The following SPATS2 variants were observed in gnomAD, a reference collection of about 807,000 sequenced individuals.
The protein encoded by SPATS2 is spermatogenesis-associated serine-rich protein 2.
A neutral mutation model predicts 63.7 loss-of-function variants in SPATS2; 38 were observed. The ratio of observed to expected loss-of-function variants is 0.60; its 90% CI spans 0.46 to 0.78. The LOEUF is 0.78. Ranked by LOEUF, SPATS2 falls within the 30% of genes least tolerant of loss-of-function variation. The probability of loss-of-function intolerance (pLI) is 0.00; values close to 1 mark genes in which losing one functional copy is unlikely to be tolerated. For missense variants in SPATS2, 588 were observed against 666.2 expected, an observed-to-expected ratio of 0.88 and a Z score of 1.29; for synonymous variants, 207 against 232.9, an observed-to-expected ratio of 0.89 and a Z score of 1.01.
At chr12:49,399,900 G>A (rs1034657058) in intron 2 of SPATS2, among the ~76,000 whole-genome samples, 3 of 152,176 alleles carry the variant, frequency 2.0e-5, no homozygotes, top group Admixed American at 2.0e-4. Context: ...AGCCAGGCGT[G>A]GTGGCAGGTG....
rs760281633 is a variant in SPATS2, at chr12:49,418,108, G to GTTTTTT, written c.-243-42643_-243-42638dup. Reference sequence around the variant, plus strand: ...TGTAGCTTTCATTTTAAATGACTCAGTTTTTTTTTTTTTTTTTTTTTTTTG... The same window carrying GTTTTTT: ...TGTAGCTTTCATTTTAAATGACTCAGTTTTTTTTTTTTTTTTTTTTTTTTTTTTTTG... On this transcript the variant is annotated intron_variant, in intron 2 of 13. Coordinates refer to ENST00000552918, the MANE Select transcript of SPATS2 (RefSeq NM_023071.4). 3.5e-3 allele frequency among the ~76,000 whole-genome samples: 267 copies of GTTTTTT among 76,052 alleles called. 11 individuals are homozygous for GTTTTTT. Among genetic ancestry groups the GTTTTTT allele is most frequent in the African/African-American group, 9.4e-3 (144 of 15,298 alleles). 49.9% of individuals were successfully genotyped at this position (76,052 alleles called of 152,430 possible).
chr12:49,439,521 A>G (rs888298745), intron 2 of SPATS2, among the ~76,000 whole-genome samples: 2 of 152,220 alleles, frequency 1.3e-5, no homozygotes, highest in South Asian at 2.1e-4. Flanking sequence ...TTTGGAGAAT[A>G]GTTAGAACTT....
At chr12:49,441,794 T>A (rs1304623010) in intron 2 of SPATS2, 1 of 152,218 alleles carries the variant, frequency 6.6e-6, no homozygotes, top group Non-Finnish European at 1.5e-5. Context: ...TTCCAGTATC[T>A]TCAGATGTTG....
At chr12:49,474,332 G>A (rs981454247) in intron 3 of SPATS2, among the ~76,000 whole-genome samples, 6 of 152,290 alleles carry the variant, frequency 3.9e-5, no homozygotes, top group African/African-American at 1.4e-4. Context: ...GAATCTGACA[G>A]GTTTAATTCT....
At chr12:49,442,191 C>T (rs1383957530) in intron 2 of SPATS2, among the ~76,000 whole-genome samples, 1 of 152,088 alleles carries the variant, frequency 6.6e-6, no homozygotes, top group East Asian at 1.9e-4. Flanking sequence ...TTCTGTTGTA[C>T]CAAAAAATAA....
chr12:49,498,143 A>ATAT (rs1307387821), intron 8 of SPATS2, among the ~76,000 whole-genome samples: 5,634 of 94,378 alleles, frequency 0.06, 139 homozygotes, highest in Non-Finnish European at 0.078. Flanking sequence ...AAAAAAAAAA[A>ATAT]AAATATATAT....
At chr12:49,460,459 A>G (rs1945802492) in intron 2 of SPATS2, among the ~76,000 whole-genome samples, 1 of 152,202 alleles carries the variant, frequency 6.6e-6, no homozygotes, top group Admixed American at 6.5e-5. Flanking sequence ...TCATCTCAAA[A>G]AAAAAGAAAG....
At chr12:49,460,469 G>T (rs968508601) in intron 2 of SPATS2, among the ~76,000 whole-genome samples, 1 of 151,948 alleles carries the variant, frequency 6.6e-6, no homozygotes, top group Admixed American at 6.6e-5. Flanking sequence ...AAAAAAGAAA[G>T]ATCTTAGGGA....
chr12:49,499,996 T>G, intron 8 of SPATS2, 74 bp from the exon 9 acceptor site: 1 of 1,203,016 alleles, frequency 8.3e-7, no homozygotes, highest in Non-Finnish European at 1.1e-6. Context: ...GGCTTTGGTG[T>G]TCAGATCCGA....
At chr12:49,391,869 T>C (rs549840236) in intron 2 of SPATS2, among the ~76,000 whole-genome samples, 2 of 152,332 alleles carry the variant, frequency 1.3e-5, no homozygotes, top group Non-Finnish European at 2.9e-5. Flanking sequence ...TGGATGAGAC[T>C]GATTGAATAG....
intron 10 of SPATS2, among the ~76,000 whole-genome samples, chr12:49,517,942 C>T (rs1006983941): frequency 6.6e-6 from 1 of 152,122 alleles, no homozygotes; most frequent in Admixed American, 6.6e-5. Flanking sequence ...TTGCTACAGT[C>T]CTCCACTACC....
At chr12:49,487,710 G>A (rs559677766) in intron 4 of SPATS2, among the ~76,000 whole-genome samples, 12 of 151,942 alleles carry the variant, frequency 7.9e-5, no homozygotes, top group African/African-American at 2.9e-4. Flanking sequence ...CAGTCCTCCC[G>A]CCTCACCCTC....
At chr12:49,405,277 A>G (rs1944674825) in intron 2 of SPATS2, among the ~76,000 whole-genome samples, 1 of 152,168 alleles carries the variant, frequency 6.6e-6, no homozygotes, top group Non-Finnish European at 1.5e-5. Flanking sequence ...CATGCCTAAA[A>G]TTACACACTT....
At chr12:49,396,207 A>G (rs1333951982) in intron 2 of SPATS2, among the ~76,000 whole-genome samples, 1 of 152,224 alleles carries the variant, frequency 6.6e-6, no homozygotes, top group Non-Finnish European at 1.5e-5. Flanking sequence ...GAACGTAGGA[A>G]TGAAAATACC....
intron 3 of SPATS2, chr12:49,462,771 A>C: frequency 2.6e-6 from 1 of 379,346 alleles, no homozygotes. Context: ...CTCCAAAGTT[A>C]CACCATCAAG....
intron 2 of SPATS2, among the ~76,000 whole-genome samples, chr12:49,397,606 T>A (rs1221371116): frequency 6.6e-6 from 1 of 151,872 alleles, no homozygotes; most frequent in African/African-American, 2.4e-5. Flanking sequence ...GATGGGAGGA[T>A]CGCTTAAGGC....
At chr12:49,434,730 A>C (rs544489357) in intron 2 of SPATS2, among the ~76,000 whole-genome samples, 14 of 152,312 alleles carry the variant, frequency 9.2e-5, no homozygotes, top group African/African-American at 3.4e-4. Context: ...GAGCAAGGCT[A>C]ACTTGAATAT....
At chr12:49,420,878 A>G (rs1337382446) in intron 2 of SPATS2, among the ~76,000 whole-genome samples, 1 of 152,138 alleles carries the variant, frequency 6.6e-6, no homozygotes, top group Non-Finnish European at 1.5e-5. Context: ...AGCCAGGTGC[A>G]TTCTTGTAGT....
intron 10 of SPATS2, among the ~76,000 whole-genome samples, chr12:49,516,166 A>AAT (rs869230532): frequency 1.0e-3 from 32 of 30,822 alleles, no homozygotes; most frequent in African/African-American, 5.5e-3. Flanking sequence ...AAAAAAAAAA[A>AAT]ATATATATAT....
Sources: gnomAD v4.1 joint callset for allele counts (sites outside exome capture counted in the v4.1 genomes callset) on GRCh38, gnomAD v4.1.1 for gene constraint, MANE v1.5 for transcripts, NCBI Gene and HGNC (gene_info 2026-07-23, HGNC 2026-07-21) for gene names.